The following NASP variants were observed in gnomAD, a reference collection of about 807,000 sequenced individuals.
NASP encodes nuclear autoantigenic sperm protein.
NASP carries 24 observed loss-of-function variants against 89.5 expected under a neutral mutation model. That is an observed-to-expected ratio of 0.27 (90% CI 0.19 to 0.38). The LOEUF (loss-of-function observed/expected upper bound fraction) is 0.38. Ranked by LOEUF, NASP falls within the 10% of genes least tolerant of loss-of-function variation. The pLI is 1.00. For missense variants in NASP, 848 were observed against 921.4 expected (o/e 0.92, Z 1.03); for synonymous variants, 306 against 324.7 (o/e 0.94, Z 0.62).
intron 12 of NASP, 111 bp from the exon 13 acceptor site, chr1:45,616,515 A>G (rs568126273): frequency 6.7e-7 from 1 of 1,494,544 alleles, no homozygotes; most frequent in Non-Finnish European, 9.3e-7. Flanking sequence ...ATTCAACACT[A>G]GCTTGGGCAA....
Position 45,616,442 on chromosome 1 carries a change from GGCTCA to G in NASP, c.2079+50_2079+54del, listed in dbSNP as rs753512095. The G allele has an allele frequency of 1.1e-5, 17 of 1,586,738 alleles. No individual in the cohort carries two copies. In the East Asian group the frequency reaches 3.8e-4, roughly 35 times the overall value. ...GTCACTTACATTAAGTCTCAGTGTT[GGCTCA>G]TGCCTGTAATCCCAGCATTTTGGGA... is the stretch of plus-strand genomic sequence containing the variant. On this transcript the variant is annotated intron_variant, in intron 12 of 14. Coordinates refer to ENST00000350030, the MANE Select transcript of NASP (RefSeq NM_002482.4).
intron 2 of NASP, among the ~76,000 whole-genome samples, chr1:45,599,118 TTTTGTTTGTTTG>T (rs546440851): frequency 4.6e-5 from 7 of 151,752 alleles, no homozygotes; most frequent in East Asian, 1.9e-4. Flanking sequence ...GAAAGAGTGT[TTTTGTTTGTTTG>T]TTTGTTTGTT....
chr1:45,594,310 C>T (rs1196954284), intron 2 of NASP, among the ~76,000 whole-genome samples: 3 of 150,776 alleles, frequency 2.0e-5, no homozygotes, highest in South Asian at 2.1e-4. Context: ...TCCTGGGTGA[C>T]GAGCGAAACT....
At chr1:45,617,275 T>C (rs1464742781) in intron 13 of NASP, 188 bp from the exon 14 acceptor site, 6 of 598,626 alleles carry the variant, frequency 1.0e-5, no homozygotes, top group Admixed American at 3.4e-5. Flanking sequence ...TGAAGTGATA[T>C]GGTGGGACAG....
chr1:45,612,068 T>C (rs1644024257), intron 6 of NASP: 1 of 150,056 alleles, frequency 6.7e-6, no homozygotes, highest in South Asian at 2.1e-4. Context: ...AGAGACGGGG[T>C]TTCACCATGT....
intron 1 of NASP, among the ~76,000 whole-genome samples, chr1:45,586,303 GT>G (rs1557646741): frequency 1.8e-4 from 24 of 136,566 alleles, no homozygotes; most frequent in African/African-American, 6.5e-4. Flanking sequence ...GTGTGTGTGT[GT>G]GTGTGGTGTG....
At chr1:45,586,119 T>C (rs1433002587) in intron 1 of NASP, among the ~76,000 whole-genome samples, 1 of 151,838 alleles carries the variant, frequency 6.6e-6, no homozygotes, top group Non-Finnish European at 1.5e-5. Context: ...ACAGCATAAA[T>C]TGAAAGCTAA....
chr1:45,585,862 C>T (rs1261593836), intron 1 of NASP, among the ~76,000 whole-genome samples: 1 of 152,106 alleles, frequency 6.6e-6, no homozygotes. Flanking sequence ...TGGTCTCAGA[C>T]TCTTGGACTC....
chr1:45,603,945 C>T (rs1643881198), intron 3 of NASP, among the ~76,000 whole-genome samples: 2 of 152,150 alleles, frequency 1.3e-5, no homozygotes, highest in African/African-American at 4.8e-5. Flanking sequence ...GCATGGTTGT[C>T]TTACAACATA....
At chr1:45,595,120 G>T (rs1457121194) in intron 2 of NASP, among the ~76,000 whole-genome samples, 4 of 146,454 alleles carry the variant, frequency 2.7e-5, no homozygotes, top group Non-Finnish European at 4.5e-5. Context: ...CAGCCTGCCA[G>T]ACTAAGTTTT....
At chr1:45,604,268 G>A (rs138419653) in intron 3 of NASP, among the ~76,000 whole-genome samples, 2 of 152,242 alleles carry the variant, frequency 1.3e-5, no homozygotes, top group East Asian at 1.9e-4. Context: ...TTCTCCTTTT[G>A]TTCATTATAC....
At chr1:45,586,280 GTGT>G (rs1557646423) in intron 1 of NASP, among the ~76,000 whole-genome samples, 2 of 45,622 alleles carry the variant, frequency 4.4e-5, no homozygotes, top group Non-Finnish European at 5.3e-5. Flanking sequence ...GTGTGTGTGT[GTGT>G]GGTGTGTGTG....
chr1:45,594,340 C>A (rs1039744769), intron 2 of NASP, among the ~76,000 whole-genome samples: 1 of 150,550 alleles, frequency 6.6e-6, no homozygotes, highest in Admixed American at 6.6e-5. Flanking sequence ...AAAAAACAAA[C>A]AACAACAAAA....
chr1:45,617,740 A>T, intron 14 of NASP, 149 bp downstream of exon 14: 1 of 1,033,190 alleles, frequency 9.7e-7, no homozygotes, highest in East Asian at 2.6e-5. Context: ...TTGTGCAGGA[A>T]AACAGTTTGG....
intron 1 of NASP, among the ~76,000 whole-genome samples, chr1:45,587,139 C>T (rs1242138585): frequency 6.6e-6 from 1 of 152,076 alleles, no homozygotes; most frequent in Non-Finnish European, 1.5e-5. Context: ...TATCTACATG[C>T]TAAATTAATC....
intron 7 of NASP, 111 bp downstream of exon 7, chr1:45,613,359 T>G: frequency 8.0e-7 from 1 of 1,257,122 alleles, no homozygotes; most frequent in Non-Finnish European, 1.1e-6. Context: ...TGATCATGGC[T>G]CACTGCAGCC....
chr1:45,584,717 C>T (rs1330902530), intron 1 of NASP, among the ~76,000 whole-genome samples: 1 of 152,100 alleles, frequency 6.6e-6, no homozygotes. Context: ...GTTTTGCGCG[C>T]GTGCGTTCGC....
chr1:45,605,782 T>G (rs1402076179), intron 4 of NASP: 2 of 152,886 alleles, frequency 1.3e-5, no homozygotes, highest in Non-Finnish European at 2.9e-5. Flanking sequence ...AAGTTTTTTT[T>G]TTTTTTTTTT....
chr1:45,597,298 CTTTTTTTTTTT>C (rs71056314), intron 2 of NASP, among the ~76,000 whole-genome samples: 4 of 99,868 alleles, frequency 4.0e-5, no homozygotes, highest in East Asian at 3.7e-4. Flanking sequence ...CAGAGCAAGA[CTTTTTTTTTTT>C]TTTTTTTTTT....
Sources: gnomAD v4.1 joint callset for allele counts (sites outside exome capture counted in the v4.1 genomes callset) on GRCh38, gnomAD v4.1.1 for gene constraint, MANE v1.5 for transcripts, NCBI Gene and HGNC (gene_info 2026-07-23, HGNC 2026-07-21) for gene names.